The following ASAP1 variants were observed in gnomAD, a reference collection of about 807,000 sequenced individuals.
ASAP1 encodes ArfGAP with SH3 domain, ankyrin repeat and PH domain 1.
In ASAP1, 43 loss-of-function variants were observed where a neutral mutation model predicts 145.2. That is an observed-to-expected ratio of 0.30 (90% CI 0.23 to 0.38). ASAP1 has a LOEUF of 0.38. Among genes scored for constraint, ASAP1 ranks in the 10% least tolerant of loss-of-function variants. The pLI is 1.00. For missense variants in ASAP1, 1,018 were observed against 1,355.3 expected (o/e 0.75, Z 3.91); for synonymous variants, 546 against 515.5 (o/e 1.06, Z -0.80).
intron 23 of ASAP1, among the ~76,000 whole-genome samples, chr8:130,112,841 G>C (rs867645287): frequency 1.2e-4 from 18 of 152,184 alleles, no homozygotes; most frequent in Admixed American, 7.9e-4. Context: ...CCAGTGACTT[G>C]TGTTCCAAAC....
chr8:130,379,024 C>G (rs763281337), intron 2 of ASAP1, among the ~76,000 whole-genome samples: 1 of 152,090 alleles, frequency 6.6e-6, no homozygotes, highest in South Asian at 2.1e-4. Context: ...GTCTTCTGTA[C>G]GCTAATGAGA....
At chr8:130,073,122 G>A (rs1197281704) in intron 27 of ASAP1, among the ~76,000 whole-genome samples, 3 of 151,418 alleles carry the variant, frequency 2.0e-5, no homozygotes, top group Non-Finnish European at 4.4e-5. Context: ...TTTGGTAGGA[G>A]ATAGAAATGT....
At position 130,329,353 on chromosome 8, in the gene ASAP1, T is replaced by C. The variant is rs1824536161; in HGVS notation, c.186+28664A>G. ...GATACAACAAAGCTTCAGCTTTGGC[T>C]TGGCTCTTTTCATTTAAGACTGTGA... On this transcript the variant is annotated intron_variant, in intron 3 of 29. Transcript: ENST00000518721. Among the ~76,000 whole-genome samples, 3 of 152,348 alleles carry C rather than the reference T, an allele frequency of 2.0e-5. No individual in the cohort carries two copies. In the South Asian group the frequency reaches 6.2e-4, roughly 32 times the overall value.
intron 3 of ASAP1, among the ~76,000 whole-genome samples, chr8:130,294,131 C>T (rs1210706216): frequency 6.6e-6 from 1 of 152,192 alleles, no homozygotes; most frequent in East Asian, 1.9e-4. Flanking sequence ...TAAGTCTTCT[C>T]CGTTAATCAA....
chr8:130,327,011 TGAATGCCCCCAGGAGGCA>T (rs1193427353), intron 3 of ASAP1, among the ~76,000 whole-genome samples: 3 of 152,198 alleles, frequency 2.0e-5, no homozygotes. Flanking sequence ...AATAACTGGA[TGAATGCCCCCAGGAGGCA>T]GCATCTGAGT....
In ASAP1 at chr8:130,112,093, C is replaced by T. The variant is rs2097547816; in HGVS notation, c.2401+1G>A. 1 of 1,613,096 alleles carries T rather than the reference C, an allele frequency of 6.2e-7. No individual in the cohort carries two copies. The highest frequency in any genetic ancestry group is 1.1e-5 in the South Asian group (1 of 91,000). ...TCACAAGCCCTTCTCAAAGCCCATA[C>T]CTTTCCCGGCGTTCCTAGGAGGCAG... On this transcript the variant is annotated splice_donor_variant, in intron 24 of 29. Coordinates refer to ENST00000518721, the MANE Select transcript of ASAP1 (RefSeq NM_018482.4). LOFTEE classifies it high-confidence loss of function.
chr8:130,441,238 C>T (rs1587062163), intron 1 of ASAP1, among the ~76,000 whole-genome samples: 2 of 152,206 alleles, frequency 1.3e-5, no homozygotes, highest in African/African-American at 4.8e-5. Flanking sequence ...GAAAGAAAAA[C>T]TCGATTCCAG....
At chr8:130,370,425 A>G (rs1827160926) in intron 2 of ASAP1, among the ~76,000 whole-genome samples, 1 of 152,192 alleles carries the variant, frequency 6.6e-6, no homozygotes, top group South Asian at 2.1e-4. Flanking sequence ...GAATCCAACC[A>G]TGCTGGTACC....
intron 3 of ASAP1, among the ~76,000 whole-genome samples, chr8:130,335,661 T>G (rs1824987161): frequency 6.6e-6 from 1 of 152,198 alleles, no homozygotes; most frequent in Non-Finnish European, 1.5e-5. Flanking sequence ...GACTTTCCCT[T>G]TCAACAGTTG....
intron 2 of ASAP1, among the ~76,000 whole-genome samples, chr8:130,379,348 T>A (rs1276804395): frequency 5.3e-5 from 8 of 152,170 alleles, no homozygotes; most frequent in Non-Finnish European, 1.5e-5. Context: ...TCTGACGAGA[T>A]CAAGCGTGTT....
chr8:130,211,960 T>G (rs371569866), intron 5 of ASAP1, among the ~76,000 whole-genome samples: 1 of 152,176 alleles, frequency 6.6e-6, no homozygotes, highest in Non-Finnish European at 1.5e-5. Flanking sequence ...CAGGAGGGTG[T>G]TGAGTGCTGC....
intron 3 of ASAP1, among the ~76,000 whole-genome samples, chr8:130,281,116 C>G (rs537997020): frequency 6.6e-6 from 1 of 151,974 alleles, no homozygotes; most frequent in Admixed American, 6.6e-5. Flanking sequence ...GGGCAGATAA[C>G]CTGGGGCTGT....
chr8:130,131,530 G>A (rs1021513256), intron 15 of ASAP1, among the ~76,000 whole-genome samples: 3 of 147,400 alleles, frequency 2.0e-5, no homozygotes, highest in South Asian at 4.3e-4. Context: ...TTCTGGGGTC[G>A]AGGTGGGAGG....
intron 25 of ASAP1, among the ~76,000 whole-genome samples, chr8:130,087,467 C>G (rs2097496123): frequency 6.6e-6 from 1 of 152,080 alleles, no homozygotes; most frequent in African/African-American, 2.4e-5. Context: ...TTACAGTGAG[C>G]TGGGACTGCA....
At chr8:130,276,735 C>T (rs1439651798) in intron 3 of ASAP1, among the ~76,000 whole-genome samples, 3 of 142,298 alleles carry the variant, frequency 2.1e-5, no homozygotes, top group African/African-American at 8.3e-5. Context: ...CACACTCTCT[C>T]TCTCTCTCTC....
intron 1 of ASAP1, among the ~76,000 whole-genome samples, chr8:130,405,651 A>G (rs1456332543): frequency 6.6e-6 from 1 of 152,212 alleles, no homozygotes; most frequent in Non-Finnish European, 1.5e-5. Context: ...GACCATCGTG[A>G]ACCTTCAGAG....
intron 17 of ASAP1, 100 bp downstream of exon 17, chr8:130,125,856 T>C: frequency 4.1e-6 from 5 of 1,219,918 alleles, no homozygotes; most frequent in Non-Finnish European, 5.6e-6. Flanking sequence ...GGAATTATAA[T>C]TCTTTGTACT....
intron 28 of ASAP1, 102 bp downstream of exon 28, chr8:130,060,477 C>T (rs1016256364): frequency 2.1e-6 from 3 of 1,450,508 alleles, no homozygotes; most frequent in Non-Finnish European, 2.8e-6. Flanking sequence ...GTCAGGTGAG[C>T]AAGCTCTCAC....
chr8:130,238,326 T>C (rs956825506), intron 3 of ASAP1, among the ~76,000 whole-genome samples: 13 of 152,140 alleles, frequency 8.5e-5, no homozygotes, highest in Non-Finnish European at 1.8e-4. Context: ...AGGAAAAATC[T>C]GGCCAGACAA....
Sources: gnomAD v4.1 joint callset for allele counts (sites outside exome capture counted in the v4.1 genomes callset) on GRCh38, gnomAD v4.1.1 for gene constraint, MANE v1.5 for transcripts, NCBI Gene and HGNC (gene_info 2026-07-23, HGNC 2026-07-21) for gene names.